Variants in HS3ST3A1 observed in about 807,000 individuals in gnomAD.
The protein encoded by HS3ST3A1 is heparan sulfate-glucosamine 3-sulfotransferase 3A1.
In HS3ST3A1, 19 loss-of-function variants were observed where a neutral mutation model predicts 25.7. The observed-to-expected ratio is 0.74, with a 90% CI of 0.52 to 1.08. The LOEUF is 1.08. Among genes scored for constraint, HS3ST3A1 ranks in the 50% least tolerant of loss-of-function variants. The pLI is 0.00. For missense variants in HS3ST3A1, 459 were observed against 594.3 expected, an observed-to-expected ratio of 0.77 and a Z score of 2.37; for synonymous variants, 226 against 278.6, an observed-to-expected ratio of 0.81 and a Z score of 1.88.
intron 1 of HS3ST3A1, among the ~76,000 whole-genome samples, chr17:13,511,467 C>T (rs1248471108): frequency 6.6e-6 from 1 of 152,012 alleles, no homozygotes; most frequent in Non-Finnish European, 1.5e-5. Context: ...CATGAAATAG[C>T]CTCTTGAAGT....
chr17:13,594,678 A>G (rs1218731758), intron 1 of HS3ST3A1, among the ~76,000 whole-genome samples: 5 of 152,180 alleles, frequency 3.3e-5, no homozygotes, highest in Non-Finnish European at 5.9e-5. Context: ...AATCATTTAT[A>G]TCTTGGTTTT....
chr17:13,528,656 C>G (rs1906511543), intron 1 of HS3ST3A1, among the ~76,000 whole-genome samples: 1 of 152,058 alleles, frequency 6.6e-6, no homozygotes, highest in Admixed American at 6.5e-5. Flanking sequence ...TCCTGGAGAA[C>G]CCCCATGGTG....
chr17:13,512,159 C>A (rs1055325265), intron 1 of HS3ST3A1, among the ~76,000 whole-genome samples: 15 of 151,730 alleles, frequency 9.9e-5, no homozygotes, highest in African/African-American at 2.9e-4. Flanking sequence ...ATTAGCCGGG[C>A]GCGGTGGCGG....
At chr17:13,520,718 G>T (rs1906207380) in intron 1 of HS3ST3A1, among the ~76,000 whole-genome samples, 2 of 151,670 alleles carry the variant, frequency 1.3e-5, no homozygotes, top group South Asian at 2.1e-4. Context: ...GGGTTCAAGC[G>T]ATTCTCCTGC....
In HS3ST3A1 at chr17:13,545,141, C is replaced by G. The variant is rs141165873; in HGVS notation, c.600-48323G>C. ...AGCATTAGCATTCCTCAGGCATGGA[C>G]GCCTTTATCTTCAGGCTGGTGTCTG... On this transcript the variant is annotated intron_variant, in intron 1 of 1. Coordinates refer to ENST00000284110, the MANE Select transcript of HS3ST3A1 (RefSeq NM_006042.3). Among the ~76,000 whole-genome samples the G allele has an allele frequency of 3.9e-3, 601 of 152,312 alleles. 4 individuals carry two copies. The highest frequency in any genetic ancestry group is 0.013 in the African/African-American group (548 of 41,580).
chr17:13,514,696 T>C (rs1905994444), intron 1 of HS3ST3A1, among the ~76,000 whole-genome samples: 1 of 152,138 alleles, frequency 6.6e-6, no homozygotes, highest in African/African-American at 2.4e-5. Flanking sequence ...GTATGGCGTT[T>C]CCTTTTGAGG....
chr17:13,601,110 G>A lies in HS3ST3A1; in HGVS notation c.20C>T (p.Ala7Val), dbSNP rs764209811. The change falls in exon 1 of 2, where the codon GCC (alanine) becomes GTC (valine). Residue 7 changes from alanine to valine, a missense_variant. Transcript: ENST00000284110. ...CTCGGCCGAGGTGGAGAGGGCACTG[G>A]CCGGGCCCGGAGGGGCCATCCTAGC... MAPPGPASALSTSAEPL... is the reference protein window; with the variant it reads MAPPGPVSALSTSAEPL... 4.7e-5 allele frequency: 74 copies of A among 1,574,486 alleles called. No individual in the cohort carries two copies. Among genetic ancestry groups the A allele is most frequent in the Admixed American group, 4.5e-4 (25 of 55,424 alleles).
chr17:13,565,873 T>C (rs1490509700), intron 1 of HS3ST3A1, among the ~76,000 whole-genome samples: 1 of 152,238 alleles, frequency 6.6e-6, no homozygotes, highest in Non-Finnish European at 1.5e-5. Flanking sequence ...TTTTATTAAA[T>C]GCATTTTGGA....
Position 13,600,861 on chromosome 17 carries a change from A to G in HS3ST3A1, c.269T>C (p.Leu90Pro). 6.9e-7 allele frequency: 1 copy of G among 1,446,562 alleles called. No individual in the cohort carries two copies. The highest frequency in any genetic ancestry group is 1.4e-5 in the South Asian group (1 of 69,590). The allele number at this position is 1,446,562 out of a possible 1,614,324, so 89.6% of individuals were successfully genotyped here. A position where few individuals can be genotyped will look rare whatever the true frequency, so the allele number is the denominator to read the frequency against. ...VWPAAAQRKR[L>P]LQLPQWRRRR... Reference sequence around the variant, plus strand: ...CCTCCGCCACTGCGGCAGTTGCAGGAGGCGCTTTCTCTGTGCCGCCGCCGG... The same window carrying G: ...CCTCCGCCACTGCGGCAGTTGCAGGGGGCGCTTTCTCTGTGCCGCCGCCGG... Residue 90 changes from leucine to proline, a missense_variant, in exon 1 of 2, where the codon CTC (leucine) becomes CCC (proline). Physicochemically the swap from Leu to Pro is moderately conservative, Grantham distance 98. This residue lies in a region of HS3ST3A1 where 346 missense variants were observed against 303.9 expected (regional missense o/e 1.14). Coordinates refer to ENST00000284110, the MANE Select transcript of HS3ST3A1 (RefSeq NM_006042.3).
chr17:13,519,445 T>G lies in HS3ST3A1; in HGVS notation c.600-22627A>C, dbSNP rs2072023109. Reference sequence around the variant, plus strand: ...GGGGGTGAGATCATTGAGATAATGATTATGTCTATTTTGAAGAGGAACAGC... The same window carrying G: ...GGGGGTGAGATCATTGAGATAATGAGTATGTCTATTTTGAAGAGGAACAGC... On this transcript the variant is annotated intron_variant, in intron 1 of 1. Coordinates refer to ENST00000284110, the MANE Select transcript of HS3ST3A1 (RefSeq NM_006042.3). Among the ~76,000 whole-genome samples, 3 of 152,176 alleles carry G rather than the reference T, an allele frequency of 2.0e-5. No individual in the cohort carries two copies. In the South Asian group the frequency reaches 6.2e-4, roughly 31 times the overall value.
Position 13,578,203 on chromosome 17 carries a change from A to T in HS3ST3A1, c.599+22328T>A, listed in dbSNP as rs530069677. The stretch of plus-strand genomic sequence containing the variant: ...CCTAAGTGACTTATGGGACATCCAG[A>T]CAACAGAATCCATGCAATCTTTTAA... On this transcript the variant is annotated intron_variant, in intron 1 of 1. Transcript: ENST00000284110. 3.3e-5 allele frequency among the ~76,000 whole-genome samples: 5 copies of T among 152,180 alleles called. No homozygotes were observed. In the South Asian group the frequency reaches 1.0e-3, roughly 32 times the overall value.
intron 1 of HS3ST3A1, among the ~76,000 whole-genome samples, chr17:13,565,250 G>A (rs75243656): frequency 0.063 from 9,630 of 152,160 alleles, 704 homozygotes; most frequent in African/African-American, 0.17. Flanking sequence ...GGTTTAAAAA[G>A]CTTGAGGCCA....
chr17:13,520,442 C>T (rs1906193656), intron 1 of HS3ST3A1, among the ~76,000 whole-genome samples: 1 of 152,152 alleles, frequency 6.6e-6, no homozygotes, highest in African/African-American at 2.4e-5. Flanking sequence ...GGTCAGAAGA[C>T]AGGGTAACTT....
rs528858078 is a variant in HS3ST3A1, at chr17:13,566,041, G to C, written c.599+34490C>G. ...ATCATTTATCTTTTAGTTATTACAG[G>C]CATACCTTGCCTTATTGAGCTCTGG... On this transcript the variant is annotated intron_variant, in intron 1 of 1. Coordinates refer to ENST00000284110, the MANE Select transcript of HS3ST3A1 (RefSeq NM_006042.3). 7.9e-5 allele frequency among the ~76,000 whole-genome samples: 12 copies of C among 152,166 alleles called. No individual in the cohort carries two copies. In the South Asian group the frequency reaches 2.5e-3, roughly 32 times the overall value.
At chr17:13,521,477 C>A (rs1426692982) in intron 1 of HS3ST3A1, among the ~76,000 whole-genome samples, 2 of 152,222 alleles carry the variant, frequency 1.3e-5, no homozygotes, top group African/African-American at 4.8e-5. Context: ...GCTCACATAG[C>A]AACTACTGGC....
chr17:13,587,384 G>C (rs915393334), intron 1 of HS3ST3A1, among the ~76,000 whole-genome samples: 13 of 152,204 alleles, frequency 8.5e-5, no homozygotes, highest in Non-Finnish European at 1.9e-4. Flanking sequence ...AACCCAAGAG[G>C]CAGAGGTTGC....
intron 1 of HS3ST3A1, among the ~76,000 whole-genome samples, chr17:13,590,283 A>T (rs1908387892): frequency 6.6e-6 from 1 of 151,142 alleles, no homozygotes; most frequent in Non-Finnish European, 1.5e-5. Context: ...TTGACCATTG[A>T]TTCAATTCAA....
chr17:13,537,882 T>C (rs887391731), intron 1 of HS3ST3A1, among the ~76,000 whole-genome samples: 1 of 152,246 alleles, frequency 6.6e-6, no homozygotes, highest in African/African-American at 2.4e-5. Flanking sequence ...AAGAAATCTT[T>C]ATTTCATCAG....
At chr17:13,586,063 G>T (rs889032142) in intron 1 of HS3ST3A1, among the ~76,000 whole-genome samples, 1 of 151,550 alleles carries the variant, frequency 6.6e-6, no homozygotes, top group Non-Finnish European at 1.5e-5. Context: ...TGACCAGGAT[G>T]GTCTTAATCT....
Sources: gnomAD v4.1 joint callset for allele counts (sites outside exome capture counted in the v4.1 genomes callset) on GRCh38, gnomAD v4.1.1 for gene constraint, gnomAD v4.1.1 regional missense constraint, MANE v1.5 for transcripts, NCBI Gene and HGNC (gene_info 2026-07-23, HGNC 2026-07-21) for gene names.